The following RUNDC3B variants were observed in gnomAD, a reference collection of about 807,000 sequenced individuals.
RUNDC3B encodes the protein RUN domain containing 3B, also known as RUN domain-containing protein 3B.
Under a neutral mutation model 58.4 loss-of-function variants are expected in RUNDC3B, and 33 were observed. That is an observed-to-expected ratio of 0.56 (90% confidence interval 0.43 to 0.75). RUNDC3B has a LOEUF of 0.75. RUNDC3B is among the 30% of genes least tolerant of loss of function. The pLI, the probability that RUNDC3B is intolerant of heterozygous loss-of-function variation, is 0.00. For synonymous variants in RUNDC3B, 193 were observed against 195.2 expected (o/e 0.99, Z 0.10); for missense variants, 501 against 535.7 (o/e 0.94, Z 0.64).
At chr7:87,739,980 G>A (rs1832218730) in intron 5 of RUNDC3B, 100 bp downstream of exon 5, 3 of 495,588 alleles carry the variant, frequency 6.1e-6, no homozygotes, top group Admixed American at 3.3e-5. Context: ...GCACACAGTT[G>A]GATATTGTTA....
At chr7:87,678,670 G>T (rs897225649) in intron 2 of RUNDC3B, among the ~76,000 whole-genome samples, 1 of 151,958 alleles carries the variant, frequency 6.6e-6, no homozygotes, top group Non-Finnish European at 1.5e-5. Context: ...GGTAAAAAAA[G>T]GACTCAATAT....
At chr7:87,689,763 T>C (rs749132495) in intron 2 of RUNDC3B, among the ~76,000 whole-genome samples, 5 of 152,284 alleles carry the variant, frequency 3.3e-5, no homozygotes, top group Admixed American at 6.5e-5. Context: ...AATCATTTTA[T>C]GGTATTGTTA....
intron 8 of RUNDC3B, among the ~76,000 whole-genome samples, chr7:87,798,161 G>A (rs1835912320): frequency 6.6e-6 from 1 of 152,102 alleles, no homozygotes; most frequent in Non-Finnish European, 1.5e-5. Flanking sequence ...TTACTCTTCT[G>A]TCAAAGGCTT....
intron 6 of RUNDC3B, among the ~76,000 whole-genome samples, chr7:87,742,567 CATAGATAAATAG>C (rs1563178065): frequency 1.4e-5 from 2 of 143,140 alleles, no homozygotes; most frequent in Admixed American, 7.0e-5. Context: ...AGTATTCCAT[CATAGATAAATAG>C]ATAGATAGAT....
chr7:87,699,218 A>G (rs1290699098), intron 2 of RUNDC3B, among the ~76,000 whole-genome samples: 1 of 152,176 alleles, frequency 6.6e-6, no homozygotes. Flanking sequence ...AAATAATTAA[A>G]TCATGATGAA....
chr7:87,694,187 A>G (rs1230860601), intron 2 of RUNDC3B, among the ~76,000 whole-genome samples: 1 of 151,682 alleles, frequency 6.6e-6, no homozygotes, highest in African/African-American at 2.4e-5. Flanking sequence ...ATAATAACCT[A>G]TTTACTTTTT....
At chr7:87,635,167 A>G (rs1821636211) in intron 1 of RUNDC3B, among the ~76,000 whole-genome samples, 2 of 152,192 alleles carry the variant, frequency 1.3e-5, no homozygotes, top group Non-Finnish European at 2.9e-5. Flanking sequence ...TTACAGGTTT[A>G]TAAAATATAT....
intron 4 of RUNDC3B, among the ~76,000 whole-genome samples, chr7:87,730,677 C>T (rs576410285): frequency 2.0e-5 from 3 of 151,516 alleles, no homozygotes; most frequent in Admixed American, 1.3e-4. Context: ...GTGGAATTTG[C>T]CATCTGCTGA....
intron 1 of RUNDC3B, among the ~76,000 whole-genome samples, chr7:87,648,855 A>C (rs186066389): frequency 6.6e-6 from 1 of 152,208 alleles, no homozygotes; most frequent in East Asian, 1.9e-4. Flanking sequence ...CTGCTGTGCT[A>C]AGTGAGGACT....
intron 2 of RUNDC3B, among the ~76,000 whole-genome samples, chr7:87,675,140 G>A (rs1352965948): frequency 6.6e-6 from 1 of 152,092 alleles, no homozygotes; most frequent in African/African-American, 2.4e-5. Context: ...AGATGCTGGG[G>A]GCTAGGAACA....
chr7:87,727,706 C>A (rs1315945220), intron 4 of RUNDC3B, among the ~76,000 whole-genome samples: 1 of 152,016 alleles, frequency 6.6e-6, no homozygotes, highest in Non-Finnish European at 1.5e-5. Flanking sequence ...TTAGTTGTGG[C>A]ATATAAAAAT....
At chr7:87,704,178 C>T (rs944429797) in intron 3 of RUNDC3B, among the ~76,000 whole-genome samples, 2 of 151,924 alleles carry the variant, frequency 1.3e-5, no homozygotes, top group African/African-American at 2.4e-5. Flanking sequence ...GCCTCAGCCT[C>T]GCAAAGTGCT....
intron 6 of RUNDC3B, among the ~76,000 whole-genome samples, chr7:87,766,079 A>G (rs951537020): frequency 3.9e-5 from 6 of 152,210 alleles, no homozygotes; most frequent in African/African-American, 1.2e-4. Context: ...TTGTTGATTT[A>G]AAGTCTGTTT....
At chr7:87,807,151 C>A (rs902931793) in intron 8 of RUNDC3B, among the ~76,000 whole-genome samples, 1 of 152,048 alleles carries the variant, frequency 6.6e-6, no homozygotes, top group African/African-American at 2.4e-5. Context: ...CTAAATTTCA[C>A]AAGTAGTGAT....
intron 2 of RUNDC3B, among the ~76,000 whole-genome samples, chr7:87,662,488 A>G (rs1278911428): frequency 6.6e-6 from 1 of 152,188 alleles, no homozygotes; most frequent in Admixed American, 6.6e-5. Context: ...CAGTTTTCCC[A>G]GCACCATTTA....
At chr7:87,711,975 C>T (rs977884361) in intron 4 of RUNDC3B, among the ~76,000 whole-genome samples, 1 of 152,138 alleles carries the variant, frequency 6.6e-6, no homozygotes, top group Non-Finnish European at 1.5e-5. Flanking sequence ...CTTCCATATC[C>T]TAATACAGGG....
intron 3 of RUNDC3B, among the ~76,000 whole-genome samples, chr7:87,701,762 CCAAAA>C (rs1829057395): frequency 1.3e-5 from 2 of 152,066 alleles, no homozygotes; most frequent in Admixed American, 1.3e-4. Flanking sequence ...TATACTTCAA[CCAAAA>C]CAACACATTG....
chr7:87,716,300 A>G (rs1311415157), intron 4 of RUNDC3B, among the ~76,000 whole-genome samples: 1 of 152,190 alleles, frequency 6.6e-6, no homozygotes, highest in African/African-American at 2.4e-5. Context: ...GAATATAGAA[A>G]GTTACCAAAT....
intron 2 of RUNDC3B, among the ~76,000 whole-genome samples, chr7:87,665,699 A>G (rs979618170): frequency 1.1e-4 from 16 of 151,748 alleles, no homozygotes; most frequent in African/African-American, 2.9e-4. Context: ...CTCACCCTTC[A>G]CTCTCAAGTA....
Sources: allele counts gnomAD v4.1 joint callset (sites outside exome capture counted in the v4.1 genomes callset), GRCh38; gene constraint gnomAD v4.1.1; transcripts MANE v1.5; gene names NCBI Gene and HGNC (gene_info 2026-07-23, HGNC 2026-07-21).